TENM3: variants seen among roughly 807,000 people sequenced by gnomAD.
TENM3 encodes teneurin-3.
A neutral mutation model predicts 255.1 loss-of-function variants in TENM3; 63 were observed. The ratio of observed to expected loss-of-function variants is 0.25; its 90% CI spans 0.20 to 0.30. The LOEUF is 0.30. TENM3 is among the 10% of genes least tolerant of loss of function. The pLI is 1.00. For synonymous variants in TENM3, 1,306 were observed against 1,322.3 expected (o/e 0.99, Z 0.27); for missense variants, 2,929 against 3,461.1 (o/e 0.85, Z 3.86).
chr4:182,560,478 G>A (rs540160262), intron 3 of TENM3, among the ~76,000 whole-genome samples: 1 of 152,152 alleles, frequency 6.6e-6, no homozygotes, highest in Non-Finnish European at 1.5e-5. Flanking sequence ...AGTAATGCCA[G>A]CAGAAGCAAC....
At chr4:181,683,008 T>G in the TENM3 span, among the ~76,000 whole-genome samples, 15 of 151,802 alleles carry the variant, frequency 9.9e-5, no homozygotes, top group Non-Finnish European at 1.6e-4. Flanking sequence ...GAGACCAGCC[T>G]TGGCAACATA....
the TENM3 span, among the ~76,000 whole-genome samples, chr4:181,918,181 A>G: frequency 1.0e-3 from 157 of 152,286 alleles, no homozygotes; most frequent in African/African-American, 3.5e-3. Flanking sequence ...TTAATTTTTC[A>G]TTCATGAATT....
the TENM3 span, among the ~76,000 whole-genome samples, chr4:181,839,453 T>C: frequency 6.8e-6 from 1 of 146,314 alleles, no homozygotes; most frequent in Non-Finnish European, 1.5e-5. Context: ...TGCATTGATA[T>C]ATATATCTAT....
the TENM3 span, among the ~76,000 whole-genome samples, chr4:181,806,727 T>C: frequency 1.3e-5 from 2 of 152,294 alleles, no homozygotes; most frequent in Non-Finnish European, 1.5e-5. Flanking sequence ...AAGAAATAAA[T>C]GTCTGTCCTT....
At chr4:182,558,910 T>A (rs144434811) in intron 3 of TENM3, among the ~76,000 whole-genome samples, 2 of 152,244 alleles carry the variant, frequency 1.3e-5, no homozygotes, top group East Asian at 3.9e-4. Context: ...AAAATTATGA[T>A]GTAAAAGAAT....
intron 3 of TENM3, among the ~76,000 whole-genome samples, chr4:182,501,402 T>A (rs1736312742): frequency 6.6e-6 from 1 of 151,824 alleles, no homozygotes; most frequent in Non-Finnish European, 1.5e-5. Flanking sequence ...TTAATCTTAT[T>A]ACTACATGAC....
the TENM3 span, among the ~76,000 whole-genome samples, chr4:181,884,211 G>A: frequency 6.6e-6 from 1 of 152,056 alleles, no homozygotes; most frequent in Non-Finnish European, 1.5e-5. Context: ...CTCCTGTCTT[G>A]AATATCTAGG....
chr4:182,413,831 G>A (rs893713909), intron 3 of TENM3, among the ~76,000 whole-genome samples: 1 of 152,136 alleles, frequency 6.6e-6, no homozygotes, highest in Non-Finnish European at 1.5e-5. Flanking sequence ...TTAATAAACA[G>A]TGCAAGGGGT....
the TENM3 span, among the ~76,000 whole-genome samples, chr4:181,872,343 C>T: frequency 0.21 from 31,032 of 151,372 alleles, 3,574 homozygotes; most frequent in East Asian, 0.56. Context: ...ATTTTAAGTT[C>T]AGGGGTACAT....
chr4:181,723,097 G>T, the TENM3 span, among the ~76,000 whole-genome samples: 6 of 152,078 alleles, frequency 3.9e-5, no homozygotes, highest in East Asian at 1.9e-4. Flanking sequence ...ACATGGAGGG[G>T]ACACCAGAAA....
intron 7 of TENM3, among the ~76,000 whole-genome samples, chr4:182,674,436 C>T (rs1755492323): frequency 6.6e-6 from 1 of 151,970 alleles, no homozygotes; most frequent in South Asian, 2.1e-4. Flanking sequence ...TTAGTGTATT[C>T]ATTTTTCCTA....
At chr4:182,696,197 A>C (rs1285266000) in intron 12 of TENM3, among the ~76,000 whole-genome samples, 2 of 152,240 alleles carry the variant, frequency 1.3e-5, no homozygotes, top group African/African-American at 4.8e-5. Flanking sequence ...CAGTAACGGC[A>C]CAAATTTACA....
the TENM3 span, among the ~76,000 whole-genome samples, chr4:182,086,393 A>G: frequency 6.6e-6 from 1 of 152,220 alleles, no homozygotes; most frequent in Admixed American, 6.5e-5. Context: ...CATAATAAAA[A>G]GAAAAAGAAA....
the TENM3 span, among the ~76,000 whole-genome samples, chr4:181,616,898 A>G: frequency 6.6e-6 from 1 of 152,152 alleles, no homozygotes; most frequent in Admixed American, 6.6e-5. Flanking sequence ...TCAAATACCA[A>G]TGTCTTTCGG....
the TENM3 span, among the ~76,000 whole-genome samples, chr4:181,612,441 A>C: frequency 6.6e-6 from 1 of 151,932 alleles, no homozygotes; most frequent in East Asian, 1.9e-4. Context: ...TGAGGTCATT[A>C]ACACCTAATT....
chr4:181,491,021 A>G, the TENM3 span, among the ~76,000 whole-genome samples: 1 of 152,128 alleles, frequency 6.6e-6, no homozygotes, highest in African/African-American at 2.4e-5. Context: ...ATTTTGTAAT[A>G]TCTTGCAAAC....
the TENM3 span, among the ~76,000 whole-genome samples, chr4:181,929,438 G>T: frequency 2.0e-5 from 3 of 151,854 alleles, no homozygotes; most frequent in African/African-American, 7.3e-5. Flanking sequence ...ACAAAGAAGG[G>T]CATTATATAA....
the TENM3 span, among the ~76,000 whole-genome samples, chr4:181,967,220 G>A: frequency 7.9e-5 from 12 of 152,138 alleles, no homozygotes; most frequent in African/African-American, 1.4e-4. Flanking sequence ...TACATGGGGC[G>A]CAGGTTTTGA....
chr4:181,492,929 A>T, the TENM3 span, among the ~76,000 whole-genome samples: 1 of 152,210 alleles, frequency 6.6e-6, no homozygotes, highest in African/African-American at 2.4e-5. Flanking sequence ...ATAGTAAATA[A>T]GAAGTTTTCT....
Sources: gnomAD v4.1 joint callset for allele counts (sites outside exome capture counted in the v4.1 genomes callset) on GRCh38, gnomAD v4.1.1 for gene constraint, MANE v1.5 for transcripts, NCBI Gene and HGNC (gene_info 2026-07-23, HGNC 2026-07-21) for gene names.